LY6G5B: variants seen among roughly 807,000 people sequenced by gnomAD.
The protein encoded by LY6G5B is lymphocyte antigen 6 complex locus protein G5b.
A neutral mutation model predicts 6.7 loss-of-function variants in LY6G5B; 6 were observed. The observed-to-expected ratio is 0.89, with a 90% CI of 0.49 to 1.76. The LOEUF is 1.76. Among genes scored for constraint, LY6G5B ranks in the 40% most tolerant of loss-of-function variants. LY6G5B has a pLI of 0.01. For missense variants in LY6G5B, 240 were observed against 249.5 expected (o/e 0.96, Z 0.26); for synonymous variants, 98 against 99.4 (o/e 0.99, Z 0.09).
At chr6:31,672,179 T>C in exon 3 of LY6G5B, 1 of 1,613,160 alleles carries the variant, frequency 6.2e-7, no homozygotes, top group African/African-American at 1.3e-5. Flanking sequence ...TCCCTGAACC[T>C]GGGCTTGTCT....
chr6:31,670,095 G>C, upstream of LY6G5B: 1 of 649,558 alleles, frequency 1.5e-6, no homozygotes, highest in Non-Finnish European at 2.6e-6. Flanking sequence ...GCTTGCTGTT[G>C]GGGAAGGGAA....
chr6:31,670,964 T>C, exon 1 of LY6G5B: 2 of 1,610,016 alleles, frequency 1.2e-6, no homozygotes, highest in South Asian at 1.1e-5. Context: ...AAGGTCCATA[T>C]GCTTGTAGGT....
At chr6:31,672,043 C>T in exon 3 of LY6G5B, 2 of 1,613,064 alleles carry the variant, frequency 1.2e-6, no homozygotes, top group Non-Finnish European at 1.7e-6. Context: ...CCATGACAGG[C>T]CCCTGGCCCT....
exon 1 of LY6G5B, chr6:31,670,817 C>T (rs901318402): frequency 6.8e-6 from 6 of 884,072 alleles, no homozygotes; most frequent in African/African-American, 1.7e-5. Context: ...AGGAATATAG[C>T]TCTGCATTTA....
In LY6G5B at chr6:31,671,290, T is replaced by C. The variant is rs940126781; in HGVS notation, c.187+6T>C. The C allele has an allele frequency of 6.2e-6, 10 of 1,612,964 alleles. No homozygotes were observed. In the Admixed American group the frequency reaches 1.0e-4, roughly 16 times the overall value. Reference sequence around the variant, plus strand: ...GGTGATCACCATCTATTATGGTAAATAAGGTCCCAGGAAGGGGCTGCTGGT... The same window carrying C: ...GGTGATCACCATCTATTATGGTAAACAAGGTCCCAGGAAGGGGCTGCTGGT... On this transcript the variant is annotated splice_donor_region_variant and intron_variant, in intron 2 of 2. Transcript: ENST00000375864.
exon 3 of LY6G5B, chr6:31,672,020 C>T (rs1184002876): frequency 6.2e-7 from 1 of 1,613,000 alleles, no homozygotes; most frequent in African/African-American, 1.3e-5. Context: ...CTCCAGAGCT[C>T]TCTGCCGGAG....
chr6:31,670,809 G>A (rs1802152666), exon 1 of LY6G5B: 4 of 826,824 alleles, frequency 4.8e-6, no homozygotes, highest in Admixed American at 5.0e-5. Flanking sequence ...CCCCAAGTAG[G>A]AATATAGCTC....
exon 2 of LY6G5B, chr6:31,671,232 G>C (rs781351270): frequency 1.8e-5 from 29 of 1,613,942 alleles, no homozygotes; most frequent in Non-Finnish European, 2.4e-5. Context: ...CAGGCTCAGA[G>C]AAGTGTACCA....
chr6:31,671,241 C>T, exon 2 of LY6G5B: 1 of 1,613,898 alleles, frequency 6.2e-7, no homozygotes, highest in Non-Finnish European at 8.5e-7. Flanking sequence ...AGAAGTGTAC[C>T]ATCAGCAGCT....
At chr6:31,671,828 A>T in intron 2 of LY6G5B, 36 bp from the exon 3 acceptor site, 1 of 1,576,062 alleles carries the variant, frequency 6.3e-7, no homozygotes, top group South Asian at 1.2e-5. Context: ...ATGGGAAGCT[A>T]TTGGAAGGGG....
chr6:31,672,036 T>C (rs778857434), exon 3 of LY6G5B: 5 of 1,613,048 alleles, frequency 3.1e-6, no homozygotes, highest in Admixed American at 3.3e-5. Flanking sequence ...CGGAGCCCCA[T>C]GACAGGCCCC....
At chr6:31,671,835 G>C in intron 2 of LY6G5B, 29 bp from the exon 3 acceptor site, 1 of 1,582,078 alleles carries the variant, frequency 6.3e-7, no homozygotes. Flanking sequence ...GCTATTGGAA[G>C]GGGTTATCAG....
chr6:31,672,441 GGT>G (rs2151195007), exon 3 of LY6G5B: 1 of 847,808 alleles, frequency 1.2e-6, no homozygotes, highest in Non-Finnish European at 1.8e-6. Flanking sequence ...CTTGAACTCT[GGT>G]GCTGTTTTTT....
At chr6:31,673,292 C>G (rs1447618860) in exon 3 of LY6G5B, 1 of 152,368 alleles carries the variant, frequency 6.6e-6, no homozygotes, top group African/African-American at 2.4e-5. Context: ...GAATAGAATT[C>G]TGTGCAGATG....
At chr6:31,672,647 T>C in exon 3 of LY6G5B, 1 of 231,890 alleles carries the variant, frequency 4.3e-6, no homozygotes, top group East Asian at 1.1e-4. Context: ...GGTTTCACCA[T>C]GTTGGTCAGG....
In LY6G5B at chr6:31,671,746, A is replaced by G. The variant is rs112225194; in HGVS notation, c.188-118A>G. 4.8e-3 allele frequency: 5,945 copies of G among 1,247,740 alleles called. 53 individuals are homozygous for G. The highest frequency in any genetic ancestry group is 0.025 in the Middle Eastern group (90 of 3,574). The allele number at this position is 1,247,740 out of a possible 1,614,324, so 77.3% of individuals were successfully genotyped here. On this transcript the variant is annotated intron_variant, in intron 2 of 2. Transcript: ENST00000375864. ...AGAGCTCACTTTTCTAGCCTCTTGA[A>G]GGACTCTGGGTTAGAAGTAAATTAG...
At chr6:31,671,623 C>T (rs540534310) in intron 2 of LY6G5B, among the ~76,000 whole-genome samples, 2 of 152,010 alleles carry the variant, frequency 1.3e-5, no homozygotes, top group African/African-American at 2.4e-5. Context: ...GCCAAGATTG[C>T]GCCACCATGC....
exon 3 of LY6G5B, chr6:31,672,244 C>T (rs147055486): frequency 1.7e-5 from 28 of 1,613,030 alleles, no homozygotes; most frequent in Non-Finnish European, 1.9e-5. Flanking sequence ...ACTTTTGGTT[C>T]TTCCCCAGGC....
At chr6:31,671,318 G>A (rs1373904459) in intron 2 of LY6G5B, 34 bp downstream of exon 2, 1 of 1,611,790 alleles carries the variant, frequency 6.2e-7, no homozygotes, top group Non-Finnish European at 8.5e-7. Flanking sequence ...CTGCTGGTGG[G>A]GCAGCCAATG....
Sources: gnomAD v4.1 joint callset for allele counts (sites outside exome capture counted in the v4.1 genomes callset) on GRCh38, gnomAD v4.1.1 for gene constraint, MANE v1.5 for transcripts, NCBI Gene and HGNC (gene_info 2026-07-23, HGNC 2026-07-21) for gene names.